The following PHACTR3 variants were observed in gnomAD, a reference collection of about 807,000 sequenced individuals.
The protein encoded by PHACTR3 is phosphatase and actin regulator 3.
A neutral mutation model predicts 66.8 loss-of-function variants in PHACTR3; 16 were observed. The observed-to-expected ratio is 0.24, with a 90% confidence interval of 0.16 to 0.36. PHACTR3 has a LOEUF of 0.36. PHACTR3 is among the 10% of genes least tolerant of loss of function. The probability of loss-of-function intolerance (pLI) is 1.00; values close to 1 mark genes in which losing one functional copy is unlikely to be tolerated. For missense variants in PHACTR3, 647 were observed against 719.9 expected (o/e 0.90, Z 1.16); for synonymous variants, 323 against 292.1 (o/e 1.11, Z -1.08).
chr20:59,635,169 C>CTTTCTTTCTTTCCTTT (rs1555881178), intron 1 of PHACTR3, among the ~76,000 whole-genome samples: 2 of 55,340 alleles, frequency 3.6e-5, no homozygotes, highest in Admixed American at 2.3e-4. Context: ...TTCTTTCTTT[C>CTTTCTTTCTTTCCTTT]CTTTCTTTCT....
intron 3 of PHACTR3, among the ~76,000 whole-genome samples, chr20:59,750,044 C>T (rs774152168): frequency 2.6e-4 from 40 of 152,190 alleles, no homozygotes; most frequent in Non-Finnish European, 4.8e-4. Context: ...TGAGGGCCCA[C>T]TCTGTGTCAG....
chr20:59,744,069 G>A (rs1018062932), intron 2 of PHACTR3, among the ~76,000 whole-genome samples: 6 of 152,214 alleles, frequency 3.9e-5, no homozygotes, highest in Non-Finnish European at 7.3e-5. Flanking sequence ...CAGTGATGAC[G>A]GGACAAGCAG....
intron 1 of PHACTR3, among the ~76,000 whole-genome samples, chr20:59,681,095 ACACT>A (rs1221014352): frequency 1.3e-5 from 2 of 152,252 alleles, no homozygotes; most frequent in African/African-American, 2.4e-5. Context: ...TTATTAGAAC[ACACT>A]CACACCCATT....
chr20:59,727,438 C>A (rs1348401122), intron 1 of PHACTR3, among the ~76,000 whole-genome samples: 1 of 152,096 alleles, frequency 6.6e-6, no homozygotes, highest in East Asian at 1.9e-4. Flanking sequence ...CGCCACCATG[C>A]CACAGCTTAG....
chr20:59,736,725 C>G lies in PHACTR3; in HGVS notation c.119-6382C>G, dbSNP rs1202137207. Among the ~76,000 whole-genome samples the G allele has an allele frequency of 6.6e-6, 1 of 152,186 alleles. No homozygotes were observed. The highest frequency in any genetic ancestry group is 2.4e-5 in the African/African-American group (1 of 41,458). ...CAGTGATGGGCTCATGTCCTCTGCC[C>G]TTGGAGGGGTTTGTAAGTAGTTTTC... On this transcript the variant is annotated intron_variant, in intron 1 of 12. Transcript: ENST00000371015. This position sits in a 1 kb window ranked among gnomAD's most constrained non-coding sequence, Gnocchi z 4.6.
Position 59,830,880 on chromosome 20 carries a change from A to T in PHACTR3, c.1329-5625A>T, listed in dbSNP as rs1410343418. Among the ~76,000 whole-genome samples, 3 of 152,112 alleles carry T rather than the reference A, an allele frequency of 2.0e-5. No homozygotes were observed. The highest frequency in any genetic ancestry group is 4.4e-5 in the Non-Finnish European group (3 of 68,022). On this transcript the variant is annotated intron_variant, in intron 8 of 12. Coordinates refer to ENST00000371015, the MANE Select transcript of PHACTR3 (RefSeq NM_080672.5). The surrounding 1 kb of genome is among the most constrained non-coding windows in gnomAD (Gnocchi z 5.8). ...TGCCAGTGCTGGGGCACCAGTGCTG[A>T]CTGTGGAATAGACAGTTGACAGCCT...
chr20:59,620,561 T>C (rs1173278140), intron 1 of PHACTR3, among the ~76,000 whole-genome samples: 2 of 152,208 alleles, frequency 1.3e-5, no homozygotes, highest in Non-Finnish European at 2.9e-5. Context: ...GATGTTTCCT[T>C]CTTTTTAAAT....
At chr20:59,815,674 T>C (rs60905379) in intron 8 of PHACTR3, among the ~76,000 whole-genome samples, 32,703 of 152,026 alleles carry the variant, frequency 0.22, 5,104 homozygotes, top group African/African-American at 0.43. Flanking sequence ...CCGCCTGCCT[T>C]GGCCTCCCAA....
intron 7 of PHACTR3, among the ~76,000 whole-genome samples, chr20:59,781,940 C>T (rs1041086583): frequency 1.3e-5 from 2 of 152,174 alleles, no homozygotes; most frequent in African/African-American, 2.4e-5. Context: ...TACGGGATTT[C>T]CCGGCTTTAT....
At chr20:59,620,000 C>T (rs1037994758) in intron 1 of PHACTR3, among the ~76,000 whole-genome samples, 1 of 152,074 alleles carries the variant, frequency 6.6e-6, no homozygotes, top group African/African-American at 2.4e-5. Context: ...CTGTTTTCAC[C>T]CTCCCTGTTG....
intron 1 of PHACTR3, among the ~76,000 whole-genome samples, chr20:59,666,845 C>G (rs1322566055): frequency 2.0e-5 from 3 of 152,224 alleles, no homozygotes; most frequent in Non-Finnish European, 2.9e-5. Context: ...CCCATCACGC[C>G]CCTTCTGATC....
At chr20:59,760,984 G>T (rs749732533) in intron 4 of PHACTR3, among the ~76,000 whole-genome samples, 1 of 152,092 alleles carries the variant, frequency 6.6e-6, no homozygotes, top group African/African-American at 2.4e-5. Flanking sequence ...CATAAAAACA[G>T]ATCAAACCCA....
rs146330490 is a variant in PHACTR3, at chr20:59,590,765, G to A, written c.109+13148G>A. Among the ~76,000 whole-genome samples the A allele has an allele frequency of 1.5e-3, 224 of 152,268 alleles. 2 individuals are homozygous for A. Among genetic ancestry groups the A allele is most frequent in the African/African-American group, 4.8e-3 (199 of 41,542 alleles). On this transcript the variant is annotated intron_variant, in intron 1 of 12. Coordinates refer to the PHACTR3 transcript ENST00000359926. ...CTGCGAAGTCCAAGATCAAGGGGCCGGCAGATTTGCTGTCTGGTGAGTGCC... is the reference window on the plus strand; with the variant it reads ...CTGCGAAGTCCAAGATCAAGGGGCCAGCAGATTTGCTGTCTGGTGAGTGCC...
At chr20:59,601,343 TG>T (rs2033473956), upstream of PHACTR3, among the ~76,000 whole-genome samples, 2 of 152,284 alleles carry the variant, frequency 1.3e-5, no homozygotes, top group South Asian at 4.1e-4. Context: ...ACAGTTAGGA[TG>T]GACCACATTT....
At chr20:59,733,836 C>T (rs2038850795) in intron 1 of PHACTR3, among the ~76,000 whole-genome samples, 2 of 152,180 alleles carry the variant, frequency 1.3e-5, no homozygotes, top group Non-Finnish European at 2.9e-5. Flanking sequence ...CAGCACTGAG[C>T]CTGTTGCACA....
chr20:59,703,279 A>G (rs904762519), intron 1 of PHACTR3, among the ~76,000 whole-genome samples: 1 of 152,206 alleles, frequency 6.6e-6, no homozygotes. Context: ...CATTGGGATC[A>G]CTTGTTCCTG....
At chr20:59,764,319 C>T (rs544921008) in intron 4 of PHACTR3, among the ~76,000 whole-genome samples, 1 of 151,682 alleles carries the variant, frequency 6.6e-6, no homozygotes, top group East Asian at 1.9e-4. Flanking sequence ...CCAGGCTGCC[C>T]TTCCTCCCTG....
chr20:59,605,014 C>T lies in PHACTR3; in HGVS notation c.-1C>T. 7.5e-7 allele frequency: 1 copy of T among 1,329,310 alleles called. No homozygotes were observed. The highest frequency in any genetic ancestry group is 2.1e-5 in the South Asian group (1 of 48,368). The allele number at this position is 1,329,310 out of a possible 1,614,324, so 82.3% of individuals were successfully genotyped here. On this transcript the variant is annotated 5_prime_UTR_variant, in exon 1 of 13. Coordinates refer to ENST00000371015, the MANE Select transcript of PHACTR3 (RefSeq NM_080672.5). ...AACTTGCCCCCGCGCCGGCCGGGCC[C>T]ATGGCCGCGTCGGAGGACGGGAGCG...
chr20:59,734,447 A>G (rs1312517828), intron 1 of PHACTR3, among the ~76,000 whole-genome samples: 1 of 152,094 alleles, frequency 6.6e-6, no homozygotes, highest in East Asian at 1.9e-4. Flanking sequence ...TTGTAGAGAC[A>G]GGGTCTCACT....
Sources: gnomAD v4.1 joint callset for allele counts (sites outside exome capture counted in the v4.1 genomes callset) on GRCh38, gnomAD v4.1.1 for gene constraint, Gnocchi (gnomAD v3.1) non-coding constraint, MANE v1.5 for transcripts, NCBI Gene and HGNC (gene_info 2026-07-23, HGNC 2026-07-21) for gene names.